PABPC1L: variants seen among roughly 807,000 people sequenced by gnomAD.
The protein encoded by PABPC1L is polyadenylate-binding protein 1-like.
Under a neutral mutation model 66.6 loss-of-function variants are expected in PABPC1L, and 31 were observed. That is an observed-to-expected ratio of 0.47 (90% CI 0.35 to 0.63). The LOEUF (loss-of-function observed/expected upper bound fraction) is 0.63. Among genes scored for constraint, PABPC1L ranks in the 20% least tolerant of loss-of-function variants. PABPC1L has a pLI of 0.00. For missense variants in PABPC1L, 722 were observed against 848.8 expected, an observed-to-expected ratio of 0.85 and a Z score of 1.86; for synonymous variants, 348 against 335.1, an observed-to-expected ratio of 1.04 and a Z score of -0.42.
At chr20:44,916,161 G>A (rs1261839756) in intron 2 of PABPC1L, among the ~76,000 whole-genome samples, 1 of 152,210 alleles carries the variant, frequency 6.6e-6, no homozygotes, top group Non-Finnish European at 1.5e-5. Context: ...AGATATGGGG[G>A]TTTGAATCTA....
chr20:44,926,949 C>T (rs543038415), intron 7 of PABPC1L, among the ~76,000 whole-genome samples: 20 of 152,204 alleles, frequency 1.3e-4, no homozygotes, highest in East Asian at 7.7e-4. Context: ...GATCATGGCA[C>T]GCCACAACCT....
At chr20:44,919,747 G>A (rs1648221956) in intron 5 of PABPC1L, among the ~76,000 whole-genome samples, 1 of 152,154 alleles carries the variant, frequency 6.6e-6, no homozygotes, top group South Asian at 2.1e-4. Context: ...ACTTGGGGAG[G>A]CTGGGTGGGA....
chr20:44,921,730 A>G lies in PABPC1L; in HGVS notation c.875A>G (p.Gln292Arg), dbSNP rs367561929. Residue 292 changes from glutamine to arginine, a missense_variant and splice_region_variant, in exon 6 of 15, where the codon CAG becomes CGG. By Grantham distance (43) the Gln-to-Arg change is conservative. This residue lies in a region of PABPC1L where 137 missense variants were observed against 216.8 expected (regional missense o/e 0.63). Coordinates refer to ENST00000217073, the MANE Select transcript of PABPC1L (RefSeq NM_001372179.1). ...QMKQDRLRRY[Q>R]GVNLYVKNLD... ...AAGCAGGACCGGCTGAGGCGTTACC[A>G]GGTGAGGTCAGGCTTCCTGGTGGCA... 36 of 1,612,938 alleles carry G rather than the reference A, an allele frequency of 2.2e-5. No homozygotes were observed. The highest frequency in any genetic ancestry group is 3.0e-5 in the Non-Finnish European group (35 of 1,179,632).
In PABPC1L at chr20:44,930,683, C is replaced by T. The variant is rs1469004037; in HGVS notation, c.1196C>T (p.Ser399Phe). The stretch of plus-strand genomic sequence containing the variant: ...ACCCTGAGCAACCCCCTCCTGGGCT[C>T]CTTTCAGCAGCCCTCCAGCTACTTC... ...MRTLSNPLLG[S>F]FQQPSSYFLP... The change falls in exon 8 of 15, where the codon TCC becomes TTC. Residue 399 changes from serine to phenylalanine, a missense_variant. Transcript: ENST00000217073. 4 of 1,614,020 alleles carry T rather than the reference C, an allele frequency of 2.5e-6. No individual in the cohort carries two copies. The African/African-American group carries it at 5.3e-5, about 22-fold the overall frequency.
chr20:44,935,916 CT>C (rs2066897628), intron 11 of PABPC1L, among the ~76,000 whole-genome samples: 1 of 152,112 alleles, frequency 6.6e-6, no homozygotes, highest in East Asian at 1.9e-4. Context: ...TTCAATGTGT[CT>C]CTTTTGAACT....
intron 8 of PABPC1L, 87 bp from the exon 9 acceptor site, chr20:44,932,255 T>C (rs1423510584): frequency 9.8e-7 from 1 of 1,025,492 alleles, no homozygotes; most frequent in Non-Finnish European, 1.4e-6. Context: ...GCCAGTGGAG[T>C]TCCTGCCATG....
rs2066757427 is a variant in PABPC1L at position 44,919,232 on chromosome 20, G to A, written c.693G>A (p.Arg231=). The change falls in exon 5 of 15, where the codon CGG becomes CGA. Residue 231 remains arginine, a synonymous_variant. Transcript: ENST00000217073. ...TGAGGGACAACAGCGGCCACTCGCG[G>A]TGCTTTGGCTTTGTCAACTTTGAGA... ...KVMRDNSGHS[R]CFGFVNFEKH... 2 of 1,614,118 alleles carry A rather than the reference G, an allele frequency of 1.2e-6. No homozygotes were observed. Among genetic ancestry groups the A allele is most frequent in the African/African-American group, 1.3e-5 (1 of 74,942 alleles).
rs1304815862 is a variant in PABPC1L at position 44,938,709 on chromosome 20, G to A, written c.1827G>A (p.Gln609=). 2.5e-6 allele frequency: 4 copies of A among 1,612,116 alleles called. No homozygotes were observed. Among genetic ancestry groups the A allele is most frequent in the East Asian group, 2.2e-5 (1 of 44,852 alleles). ...CAGTGGCCGTGCTGCAGGCACACCA[G>A]GCTATGGAGCAGCCGAAGGCGTACA... The part of the protein sequence containing the change: ...DEAVAVLQAH[Q]AMEQPKAYMH The change falls in exon 14 of 15, where the codon CAG becomes CAA. Residue 609 remains glutamine, a synonymous_variant. Transcript: ENST00000217073.
chr20:44,937,258 A>G (rs2066908482), intron 12 of PABPC1L: 2 of 315,078 alleles, frequency 6.3e-6, no homozygotes, highest in Non-Finnish European at 6.3e-6. Context: ...TAAAAATGCC[A>G]CTAAGTGAAC....
At position 44,930,534 on chromosome 20, in the gene PABPC1L, C is replaced by T. The variant is rs369056714; in HGVS notation, c.1047C>T (p.Ala349=). The T allele has an allele frequency of 7.9e-5, 127 of 1,614,130 alleles. No homozygotes were observed. The highest frequency in any genetic ancestry group is 9.6e-5 in the Non-Finnish European group (113 of 1,180,054). ...CFSSPEEATK[A]VTEMNGRIVG... ...CCTCCCCAGAAGAGGCGACAAAGGCCGTGACAGAGATGAACGGGCGCATCG... is the reference window on the plus strand; with the variant it reads ...CCTCCCCAGAAGAGGCGACAAAGGCTGTGACAGAGATGAACGGGCGCATCG... Residue 349 remains alanine, a synonymous_variant, in exon 8 of 15, where the codon GCC becomes GCT. Coordinates refer to ENST00000217073, the MANE Select transcript of PABPC1L (RefSeq NM_001372179.1).
chr20:44,924,211 A>G lies in PABPC1L; in HGVS notation c.927A>G (p.Lys309=). 1.2e-6 allele frequency: 2 copies of G among 1,614,076 alleles called. No individual in the cohort carries two copies. The highest frequency in any genetic ancestry group is 1.7e-6 in the Non-Finnish European group (2 of 1,179,972). The change falls in exon 7 of 15, where the codon AAA becomes AAG. Residue 309 remains lysine (K), a synonymous_variant. Coordinates refer to ENST00000217073, the MANE Select transcript of PABPC1L (RefSeq NM_001372179.1). ...TGGACGACTCCATTGATGACGACAAACTGAGGAAAGAGTTCTCTCCCTATG... is the reference window on the plus strand; with the variant it reads ...TGGACGACTCCATTGATGACGACAAGCTGAGGAAAGAGTTCTCTCCCTATG... ...KNLDDSIDDD[K]LRKEFSPYGV... is the part of the protein sequence containing the mutation.
In PABPC1L at chr20:44,918,946, G is replaced by A. The variant is rs1444908049; in HGVS notation, c.544G>A (p.Glu182Lys). 2.5e-6 allele frequency: 4 copies of A among 1,611,194 alleles called. No homozygotes were observed. ...HFKSRREREA[E>K]LGARALEFTN... ...CAAGTCTCGACGGGAGCGGGAGGCG[G>A]AGCTGGGGGCGCGGGCCCTGGAGTT... Residue 182 changes from glutamate to lysine, a missense_variant, in exon 4 of 15, where the codon GAG becomes AAG. By Grantham distance (56) the Glu-to-Lys change is moderately conservative. This residue lies in a region of PABPC1L where 284 missense variants were observed against 294.8 expected (regional missense o/e 0.96). Coordinates refer to ENST00000217073, the MANE Select transcript of PABPC1L (RefSeq NM_001372179.1).
intron 5 of PABPC1L, among the ~76,000 whole-genome samples, chr20:44,920,592 C>T (rs1034792334): frequency 1.2e-3 from 180 of 152,158 alleles, no homozygotes; most frequent in Non-Finnish European, 2.3e-3. Flanking sequence ...CCTCAACCTC[C>T]CGAGTAGCTG....
At chr20:44,931,023 C>T (rs190341592) in intron 8 of PABPC1L, among the ~76,000 whole-genome samples, 739 of 59,572 alleles carry the variant, frequency 0.012, 32 homozygotes, top group African/African-American at 0.042. Flanking sequence ...CTTCCCTTCC[C>T]TCCCTTCCCT....
chr20:44,932,385 C>T lies in PABPC1L; in HGVS notation c.1283C>T (p.Pro428Leu). Residue 428 changes from proline to leucine, a missense_variant, in exon 9 of 15, where the codon CCC (proline) becomes CTC (leucine). Pro to Leu is a moderately conservative substitution (Grantham distance 98). This residue lies in a region of PABPC1L where 301 missense variants were observed against 337.2 expected (regional missense o/e 0.89). Transcript: ENST00000217073. Reference sequence around the variant, plus strand: ...TACTATGGCTGTGGCCCAGTGACACCCACCCAGCCTGCCCCCAGGTGGACA... The same window carrying T: ...TACTATGGCTGTGGCCCAGTGACACTCACCCAGCCTGCCCCCAGGTGGACA... ...AAYYGCGPVT[P>L]TQPAPRWTSQ... The T allele has an allele frequency of 6.2e-7, 1 of 1,613,780 alleles. No individual in the cohort carries two copies. The highest frequency in any genetic ancestry group is 8.5e-7 in the Non-Finnish European group (1 of 1,179,824).
rs749685953 is a variant in PABPC1L, at chr20:44,921,737, G to A, written c.876+6G>A. 1 of 1,612,950 alleles carries A rather than the reference G, an allele frequency of 6.2e-7. No individual in the cohort carries two copies. The highest frequency in any genetic ancestry group is 8.5e-7 in the Non-Finnish European group (1 of 1,179,620). ...ACCGGCTGAGGCGTTACCAGGTGAGGTCAGGCTTCCTGGTGGCAGCCACTT... is the reference window on the plus strand; with the variant it reads ...ACCGGCTGAGGCGTTACCAGGTGAGATCAGGCTTCCTGGTGGCAGCCACTT... On this transcript the variant is annotated splice_donor_region_variant and intron_variant, in intron 6 of 14. Coordinates refer to ENST00000217073, the MANE Select transcript of PABPC1L (RefSeq NM_001372179.1).
intron 12 of PABPC1L, chr20:44,936,988 G>C (rs1447811974): frequency 3.4e-6 from 2 of 589,632 alleles, no homozygotes; most frequent in South Asian, 1.5e-5. Flanking sequence ...TTGGGAGACA[G>C]TCCAGATGTG....
chr20:44,935,310 G>A (rs1433053026), intron 10 of PABPC1L, 81 bp from the exon 11 acceptor site: 1 of 974,670 alleles, frequency 1.0e-6, no homozygotes, highest in Non-Finnish European at 1.6e-6. Flanking sequence ...TTCTGTTTTG[G>A]TGTTGTTTTG....
At chr20:44,921,559 T>G (rs1399490482) in intron 5 of PABPC1L, 35 bp from the exon 6 acceptor site, 1 of 1,610,426 alleles carries the variant, frequency 6.2e-7, no homozygotes, top group Non-Finnish European at 8.5e-7. Context: ...CACATCTGAG[T>G]GGTTACCAAG....
Sources: gnomAD v4.1 joint callset for allele counts (sites outside exome capture counted in the v4.1 genomes callset) on GRCh38, gnomAD v4.1.1 for gene constraint, gnomAD v4.1.1 regional missense constraint, MANE v1.5 for transcripts, NCBI Gene and HGNC (gene_info 2026-07-23, HGNC 2026-07-21) for gene names.